SMIM31: variants seen among roughly 807,000 people sequenced by gnomAD.
SMIM31 encodes human epithelial cell program regulator.
intron 2 of SMIM31, among the ~76,000 whole-genome samples, chr4:164,781,269 G>C (rs1205371004): frequency 6.6e-6 from 1 of 152,016 alleles, no homozygotes; most frequent in Non-Finnish European, 1.5e-5. Flanking sequence ...TTCTTACAAA[G>C]ATAAAACATA....
chr4:164,799,044 C>T (rs1280445690), intron 2 of SMIM31, among the ~76,000 whole-genome samples: 1 of 152,168 alleles, frequency 6.6e-6, no homozygotes, highest in African/African-American at 2.4e-5. Flanking sequence ...CGGTGCCACG[C>T]TTGGGCAGCC....
At chr4:164,768,358 G>A (rs1219343505) in intron 1 of SMIM31, among the ~76,000 whole-genome samples, 1 of 148,462 alleles carries the variant, frequency 6.7e-6, no homozygotes, top group African/African-American at 2.5e-5. Context: ...GAACCCGTGA[G>A]GCAGAGGTTG....
chr4:164,795,179 A>G (rs62353563), intron 2 of SMIM31, among the ~76,000 whole-genome samples: 26,566 of 152,204 alleles, frequency 0.17, 2,569 homozygotes, highest in South Asian at 0.24. Flanking sequence ...TTCAAATCTC[A>G]AATTTGCTTC....
intron 2 of SMIM31, among the ~76,000 whole-genome samples, chr4:164,773,519 C>A (rs1266614756): frequency 1.3e-5 from 2 of 152,130 alleles, no homozygotes; most frequent in Non-Finnish European, 2.9e-5. Context: ...ATGAGCGAAA[C>A]TGGGGGAAAG....
At chr4:164,771,750 A>G (rs947231761) in intron 2 of SMIM31, among the ~76,000 whole-genome samples, 7 of 152,346 alleles carry the variant, frequency 4.6e-5, no homozygotes, top group African/African-American at 1.4e-4. Context: ...CGGAGGTTGC[A>G]GTAATCTGAG....
chr4:164,785,462 C>T (rs6834042), intron 2 of SMIM31, among the ~76,000 whole-genome samples: 92,569 of 151,292 alleles, frequency 0.61, 29,358 homozygotes, highest in African/African-American at 0.78. Context: ...GATAACAACA[C>T]GTATCAAGGT....
At chr4:164,783,088 C>T (rs1404124791) in intron 2 of SMIM31, among the ~76,000 whole-genome samples, 1 of 150,872 alleles carries the variant, frequency 6.6e-6, no homozygotes, top group Non-Finnish European at 1.5e-5. Context: ...CACGTTGGCA[C>T]ACGCTTGTAG....
At chr4:164,787,881 T>G (rs1192855723) in intron 2 of SMIM31, among the ~76,000 whole-genome samples, 1 of 152,230 alleles carries the variant, frequency 6.6e-6, no homozygotes, top group Non-Finnish European at 1.5e-5. Flanking sequence ...GTATTTGTTC[T>G]TTTAACATCT....
intron 2 of SMIM31, among the ~76,000 whole-genome samples, chr4:164,772,703 C>T (rs1468022318): frequency 2.0e-5 from 3 of 151,554 alleles, no homozygotes; most frequent in East Asian, 1.9e-4. Context: ...CTCAGCCTCC[C>T]GTGTAGCTGG....
chr4:164,800,210 T>A (rs1733264174), intron 2 of SMIM31, among the ~76,000 whole-genome samples: 1 of 151,960 alleles, frequency 6.6e-6, no homozygotes, highest in Non-Finnish European at 1.5e-5. Flanking sequence ...TTAACTTATG[T>A]TTTTCTTTTT....
At chr4:164,760,738 T>TAAAAAAAAAA (rs60710008) in intron 1 of SMIM31, among the ~76,000 whole-genome samples, 3 of 86,248 alleles carry the variant, frequency 3.5e-5, no homozygotes, top group Non-Finnish European at 4.4e-5. Flanking sequence ...AGACTCCACC[T>TAAAAAAAAAA]AAAAAAAAAA....
At chr4:164,799,538 C>A (rs548467683) in intron 2 of SMIM31, among the ~76,000 whole-genome samples, 1 of 152,154 alleles carries the variant, frequency 6.6e-6, no homozygotes, top group South Asian at 2.1e-4. Flanking sequence ...GCAGGAAAAA[C>A]AGGAGGAATT....
At chr4:164,780,161 C>G (rs1732928330) in intron 2 of SMIM31, among the ~76,000 whole-genome samples, 1 of 152,228 alleles carries the variant, frequency 6.6e-6, no homozygotes, top group Admixed American at 6.5e-5. Context: ...GGCGCGGTGG[C>G]TCACACCTAT....
chr4:164,774,764 A>C (rs1479981801), intron 2 of SMIM31, among the ~76,000 whole-genome samples: 1 of 152,176 alleles, frequency 6.6e-6, no homozygotes, highest in Admixed American at 6.5e-5. Flanking sequence ...TTTAGTTTCA[A>C]GTTTCAATAT....
intron 2 of SMIM31, among the ~76,000 whole-genome samples, chr4:164,779,755 T>C (rs1238131243): frequency 6.6e-6 from 1 of 152,210 alleles, no homozygotes; most frequent in Non-Finnish European, 1.5e-5. Flanking sequence ...ATATCCTCTC[T>C]GCATCAATGT....
chr4:164,778,228 AAAAT>A (rs1263649811), intron 2 of SMIM31, among the ~76,000 whole-genome samples: 11 of 152,180 alleles, frequency 7.2e-5, no homozygotes, highest in Non-Finnish European at 1.0e-4. Context: ...TCTCTATTTA[AAAAT>A]AAATAAATAA....
chr4:164,776,423 G>A (rs1329562251), intron 2 of SMIM31, among the ~76,000 whole-genome samples: 1 of 152,166 alleles, frequency 6.6e-6, no homozygotes, highest in Non-Finnish European at 1.5e-5. Flanking sequence ...CATGGGCACA[G>A]ATGAAAAATT....
At chr4:164,772,515 G>T (rs17045487) in intron 2 of SMIM31, among the ~76,000 whole-genome samples, 9,420 of 152,158 alleles carry the variant, frequency 0.062, 458 homozygotes, top group African/African-American at 0.13. Flanking sequence ...AATCCCATGA[G>T]ATGAGTAATA....
chr4:164,765,624 GA>G (rs200574845), intron 1 of SMIM31, among the ~76,000 whole-genome samples: 4,125 of 94,472 alleles, frequency 0.044, 157 homozygotes, highest in African/African-American at 0.12. Flanking sequence ...CTTTGTCTCA[GA>G]AAAAAAAAAA....
Sources: gnomAD v4.1 joint callset for allele counts (sites outside exome capture counted in the v4.1 genomes callset) on GRCh38, gnomAD v4.1.1 for gene constraint, MANE v1.5 for transcripts, NCBI Gene and HGNC (gene_info 2026-07-23, HGNC 2026-07-21) for gene names.